GAD2: variants seen among roughly 807,000 people sequenced by gnomAD.
GAD2 encodes the protein glutamate decarboxylase 2.
GAD2 carries 22 observed loss-of-function variants against 80.1 expected under a neutral mutation model. That is an observed-to-expected ratio of 0.27 (90% CI 0.20 to 0.39). The LOEUF (loss-of-function observed/expected upper bound fraction) is 0.39. Among genes scored for constraint, GAD2 ranks in the 10% least tolerant of loss-of-function variants. GAD2 has a pLI of 1.00. For synonymous variants in GAD2, 274 were observed against 256.9 expected, an observed-to-expected ratio of 1.07 and a Z score of -0.64; for missense variants, 624 against 738.4, an observed-to-expected ratio of 0.85 and a Z score of 1.80.
At chr10:26,250,845 T>C (rs1844871471) in intron 8 of GAD2, among the ~76,000 whole-genome samples, 1 of 151,650 alleles carries the variant, frequency 6.6e-6, no homozygotes, top group Non-Finnish European at 1.5e-5. Flanking sequence ...AAACTCTTTT[T>C]CTAAGCACAG....
intron 7 of GAD2, among the ~76,000 whole-genome samples, chr10:26,235,154 G>T (rs900908663): frequency 6.6e-6 from 1 of 152,198 alleles, no homozygotes; most frequent in African/African-American, 2.4e-5. Context: ...GATTACAGGC[G>T]TGAGCCACTG....
chr10:26,217,090 T>A lies in GAD2; in HGVS notation c.76+205T>A, dbSNP rs1399862530. Among the ~76,000 whole-genome samples the A allele has an allele frequency of 6.6e-6, 1 of 151,714 alleles. No homozygotes were observed. Among genetic ancestry groups the A allele is most frequent in the Non-Finnish European group, 1.5e-5 (1 of 67,916 alleles). On this transcript the variant is annotated intron_variant, in intron 1 of 15. Transcript: ENST00000376261. The surrounding 1 kb of genome is among the most constrained non-coding windows in gnomAD (Gnocchi z 4.9). ...GTACCCTGGGAAGACGCCCAAATAG[T>A]CTCAGGCCCGTTCCACAGAAGGTTG... is the stretch of plus-strand genomic sequence containing the variant.
intron 8 of GAD2, among the ~76,000 whole-genome samples, chr10:26,254,736 C>A (rs763878735): frequency 6.6e-6 from 1 of 152,026 alleles, no homozygotes; most frequent in Admixed American, 6.6e-5. Context: ...GCAGAGTGGG[C>A]GGGATGAGAG....
intron 15 of GAD2, among the ~76,000 whole-genome samples, chr10:26,300,461 C>G (rs138059799): frequency 6.6e-6 from 1 of 152,148 alleles, no homozygotes; most frequent in African/African-American, 2.4e-5. Context: ...GAAAATGCCC[C>G]CAAACGTCTT....
chr10:26,297,342 T>G (rs1211942409), intron 15 of GAD2, among the ~76,000 whole-genome samples: 1 of 152,240 alleles, frequency 6.6e-6, no homozygotes, highest in Non-Finnish European at 1.5e-5. Flanking sequence ...AAAATACATT[T>G]CTGTGATATC....
intron 10 of GAD2, 132 bp from the exon 11 acceptor site, chr10:26,273,504 A>AAAC (rs1845162346): frequency 1.4e-6 from 1 of 719,230 alleles, no homozygotes; most frequent in Non-Finnish European, 2.5e-6. Flanking sequence ...TCTGAAGGTT[A>AAAC]GTGCCAGAAG....
At chr10:26,255,012 A>G (rs181926096) in intron 8 of GAD2, among the ~76,000 whole-genome samples, 3 of 152,324 alleles carry the variant, frequency 2.0e-5, no homozygotes, top group Non-Finnish European at 4.4e-5. Flanking sequence ...GTTATGAGAC[A>G]CCGAAGTGAG....
intron 8 of GAD2, among the ~76,000 whole-genome samples, chr10:26,265,381 C>A (rs1845060029): frequency 6.6e-6 from 1 of 151,886 alleles, no homozygotes; most frequent in African/African-American, 2.4e-5. Context: ...ATTTTTGCAT[C>A]TTTAGTAGAG....
chr10:26,224,264 T>G (rs1844492194), intron 5 of GAD2, among the ~76,000 whole-genome samples: 1 of 152,224 alleles, frequency 6.6e-6, no homozygotes, highest in African/African-American at 2.4e-5. Flanking sequence ...TATTATATTT[T>G]AAATCATGTT....
intron 11 of GAD2, among the ~76,000 whole-genome samples, chr10:26,275,459 T>A (rs1377752116): frequency 6.6e-6 from 1 of 152,060 alleles, no homozygotes. Flanking sequence ...GAACACAGAG[T>A]TTCCTCTTAT....
At chr10:26,289,379 T>C (rs1834188582) in intron 13 of GAD2, among the ~76,000 whole-genome samples, 1 of 152,140 alleles carries the variant, frequency 6.6e-6, no homozygotes, top group Non-Finnish European at 1.5e-5. Flanking sequence ...GAGAATTCGG[T>C]GTTTTCCACA....
At chr10:26,228,256 A>G (rs8190621) in intron 6 of GAD2, among the ~76,000 whole-genome samples, 19,121 of 152,140 alleles carry the variant, frequency 0.13, 3,999 homozygotes, top group African/African-American at 0.43. Context: ...ACAGCCCTGC[A>G]TTTTCTTTGC....
In GAD2 at chr10:26,229,784, GT is replaced by G. The variant is rs770810026; in HGVS notation, c.840+10del. The G allele has an allele frequency of 1.3e-6, 2 of 1,595,190 alleles. No individual in the cohort carries two copies. The highest frequency in any genetic ancestry group is 2.2e-5 in the East Asian group (1 of 44,810). On this transcript the variant is annotated splice_region_variant and intron_variant, in intron 7 of 15. Coordinates refer to ENST00000376261, the MANE Select transcript of GAD2 (RefSeq NM_001134366.2). ...TGCCTTCACGTCTGAACATGTATGT[GT>G]TTCTTTTCCTTGCAAGTTTAAGGTT...
At chr10:26,266,986 T>G (rs1462990915) in intron 8 of GAD2, among the ~76,000 whole-genome samples, 1 of 152,128 alleles carries the variant, frequency 6.6e-6, no homozygotes, top group Non-Finnish European at 1.5e-5. Context: ...ATTTGAAAAA[T>G]GAGAAGGTTC....
chr10:26,270,255 A>C (rs1237275809), intron 9 of GAD2, among the ~76,000 whole-genome samples: 1 of 152,066 alleles, frequency 6.6e-6, no homozygotes, highest in Admixed American at 6.6e-5. Context: ...ACTCTAGGGG[A>C]TTTATGAAGT....
chr10:26,283,099 T>C (rs575309390), intron 12 of GAD2, among the ~76,000 whole-genome samples: 2 of 152,220 alleles, frequency 1.3e-5, no homozygotes, highest in South Asian at 2.1e-4. Flanking sequence ...CGGAGGAAAA[T>C]AGAAAGATTT....
In GAD2 at chr10:26,254,897, C is replaced by T. The variant is rs558408893; in HGVS notation, c.920+8897C>T. Among the ~76,000 whole-genome samples the T allele has an allele frequency of 7.2e-5, 11 of 152,310 alleles. No individual in the cohort carries two copies. In the South Asian group the frequency reaches 1.9e-3, roughly 26 times the overall value. Reference sequence around the variant, plus strand: ...TTGAGACAGGAGGCAAGGATGAATGCCAGGCTTCTGGCTTGCCAGCTAAGT... The same window carrying T: ...TTGAGACAGGAGGCAAGGATGAATGTCAGGCTTCTGGCTTGCCAGCTAAGT... On this transcript the variant is annotated intron_variant, in intron 8 of 15. Coordinates refer to ENST00000376261, the MANE Select transcript of GAD2 (RefSeq NM_001134366.2).
At chr10:26,234,859 A>G (rs1203952938) in intron 7 of GAD2, among the ~76,000 whole-genome samples, 1 of 150,532 alleles carries the variant, frequency 6.6e-6, no homozygotes, top group Non-Finnish European at 1.5e-5. Flanking sequence ...CTTAAATCCC[A>G]TTTTCCCCAT....
intron 8 of GAD2, among the ~76,000 whole-genome samples, chr10:26,257,376 C>T (rs1844956886): frequency 6.6e-6 from 1 of 152,224 alleles, no homozygotes; most frequent in South Asian, 2.1e-4. Flanking sequence ...GATTCCGTCT[C>T]AAGAAAAGAA....
Sources: gnomAD v4.1 joint callset for allele counts (sites outside exome capture counted in the v4.1 genomes callset) on GRCh38, gnomAD v4.1.1 for gene constraint, Gnocchi (gnomAD v3.1) non-coding constraint, MANE v1.5 for transcripts, NCBI Gene and HGNC (gene_info 2026-07-23, HGNC 2026-07-21) for gene names.